HAUS1: variants seen among roughly 807,000 people sequenced by gnomAD.
HAUS1 encodes the protein HAUS augmin like complex subunit 1.
HAUS1 carries 25 observed loss-of-function variants against 38.6 expected under a neutral mutation model. That is an observed-to-expected ratio of 0.65 (90% CI 0.47 to 0.91). The LOEUF (loss-of-function observed/expected upper bound fraction) is 0.91. HAUS1 is among the 40% of genes least tolerant of loss of function. The probability of loss-of-function intolerance (pLI) is 0.00; values close to 1 mark genes in which losing one functional copy is unlikely to be tolerated. For synonymous variants in HAUS1, 109 were observed against 112.9 expected (o/e 0.97, Z 0.22); for missense variants, 325 against 328.4 (o/e 0.99, Z 0.08).
rs552433834 is a variant in HAUS1, at chr18:46,108,846, C to T, written c.205+3478C>T. On this transcript the variant is annotated intron_variant, in intron 2 of 8. Coordinates refer to ENST00000282058, the MANE Select transcript of HAUS1 (RefSeq NM_138443.4). ...CAGCACTTTGGGAGGCCGAGGCGGGCGGATCACAAGGTCAGGCGATCAAGA... is the reference window on the plus strand; with the variant it reads ...CAGCACTTTGGGAGGCCGAGGCGGGTGGATCACAAGGTCAGGCGATCAAGA... 6.6e-5 allele frequency among the ~76,000 whole-genome samples: 10 copies of T among 152,004 alleles called. No individual in the cohort carries two copies. The South Asian group carries it at 8.3e-4, about 13-fold the overall frequency.
intron 2 of HAUS1, chr18:46,106,766 G>C (rs538459871): frequency 6.6e-6 from 1 of 152,282 alleles, no homozygotes; most frequent in Admixed American, 6.5e-5. Context: ...TGTAATCCCA[G>C]CACTTTGGGA....
rs752343053 is a variant in HAUS1 at position 46,118,267 on chromosome 18, T to C, written c.292T>C (p.Leu98=). 3 of 1,613,180 alleles carry C rather than the reference T, an allele frequency of 1.9e-6. No individual in the cohort carries two copies. The highest frequency in any genetic ancestry group is 2.5e-6 in the Non-Finnish European group (3 of 1,179,968). ...CACTGGTTCCAGGTATCTGAATGCT[T>C]TGGTTGACAGTGCGGTGGCCCTTGA... The part of the protein sequence containing the change: ...SSTGSRYLNA[L]VDSAVALETK... Residue 98 remains leucine, a synonymous_variant, in exon 3 of 9, where the codon TTG becomes CTG. Transcript: ENST00000282058.
intron 4 of HAUS1, among the ~76,000 whole-genome samples, chr18:46,120,642 A>G (rs1599815900): frequency 6.6e-6 from 1 of 150,922 alleles, no homozygotes. Flanking sequence ...CTGGAGTGCA[A>G]TGGTGCAGTC....
intron 6 of HAUS1, among the ~76,000 whole-genome samples, chr18:46,124,416 C>CAAAAA (rs34364685): frequency 6.8e-5 from 6 of 87,618 alleles, no homozygotes; most frequent in Middle Eastern, 0.018. Context: ...GACTCTATCT[C>CAAAAA]AAAAAAAAAA....
At chr18:46,106,423 C>T (rs957126813) in intron 2 of HAUS1, among the ~76,000 whole-genome samples, 19 of 150,598 alleles carry the variant, frequency 1.3e-4, no homozygotes, top group Non-Finnish European at 2.4e-4. Flanking sequence ...GAGCCGAGAT[C>T]GCACCACTGC....
At chr18:46,111,646 T>G (rs904329084) in intron 2 of HAUS1, among the ~76,000 whole-genome samples, 3 of 151,912 alleles carry the variant, frequency 2.0e-5, no homozygotes, top group African/African-American at 7.3e-5. Context: ...TTAATAGAGA[T>G]AGGGTTTCAC....
intron 2 of HAUS1, among the ~76,000 whole-genome samples, chr18:46,108,762 G>A (rs1299826113): frequency 6.6e-6 from 1 of 152,068 alleles, no homozygotes; most frequent in African/African-American, 2.4e-5. Flanking sequence ...CGAACTACCT[G>A]AGACTGGGTA....
chr18:46,117,061 A>G (rs1911814978), intron 2 of HAUS1, among the ~76,000 whole-genome samples: 1 of 152,208 alleles, frequency 6.6e-6, no homozygotes, highest in Admixed American at 6.5e-5. Flanking sequence ...AGATGTGGAA[A>G]ATTGGAGCCT....
In HAUS1 at chr18:46,105,546, ATGTATGTGTGTG is replaced by A. The variant is rs1373983651; in HGVS notation, c.205+182_205+193del. On this transcript the variant is annotated intron_variant, in intron 2 of 8. Coordinates refer to ENST00000282058, the MANE Select transcript of HAUS1 (RefSeq NM_138443.4). Reference sequence around the variant, plus strand: ...TTGTTTTATGTTTATATATATGTATATGTATGTGTGTGTGTGTGTGTGTGTGTGTGTGTGTGT... The same window carrying A: ...TTGTTTTATGTTTATATATATGTATATGTGTGTGTGTGTGTGTGTGTGTGT... The A allele has an allele frequency of 3.4e-3, 1,628 of 479,318 alleles. 28 individuals are homozygous for A. The highest frequency in any genetic ancestry group is 0.029 in the African/African-American group (1,299 of 45,482). The allele number at this position is 479,318 out of a possible 1,614,324, so 29.7% of individuals were successfully genotyped here.
chr18:46,122,642 C>T (rs771705956), intron 5 of HAUS1, 52 bp downstream of exon 5: 7 of 1,597,450 alleles, frequency 4.4e-6, no homozygotes, highest in East Asian at 2.2e-5. Context: ...GATTTTTTAC[C>T]ATCATCCTCA....
chr18:46,119,877 A>G, intron 3 of HAUS1, 49 bp from the exon 4 acceptor site: 1 of 1,464,308 alleles, frequency 6.8e-7, no homozygotes, highest in African/African-American at 1.4e-5. Context: ...AGGAGTAATT[A>G]TAATTATTGC....
At chr18:46,124,690 G>C in intron 6 of HAUS1, 132 bp from the exon 7 acceptor site, 1 of 520,256 alleles carries the variant, frequency 1.9e-6, no homozygotes. Flanking sequence ...TATCTTTGAA[G>C]CTTTTTATTC....
At chr18:46,104,523 C>A in intron 1 of HAUS1, 82 bp downstream of exon 1, 4 of 1,186,506 alleles carry the variant, frequency 3.4e-6, no homozygotes, top group Non-Finnish European at 4.5e-6. Flanking sequence ...GTCTCCTGTG[C>A]GCGCCACGTC....
At chr18:46,122,368 C>T in intron 4 of HAUS1, 99 bp from the exon 5 acceptor site, 2 of 1,277,368 alleles carry the variant, frequency 1.6e-6, no homozygotes, top group Non-Finnish European at 1.1e-6. Flanking sequence ...CAACTCTTGG[C>T]CAAGCCAGCA....
chr18:46,118,861 A>C (rs1911861750), intron 3 of HAUS1, among the ~76,000 whole-genome samples: 1 of 151,884 alleles, frequency 6.6e-6, no homozygotes, highest in African/African-American at 2.4e-5. Context: ...AGGACTACTA[A>C]TATTTTGTTT....
intron 2 of HAUS1, chr18:46,109,622 CTT>C (rs754455444): frequency 1.4e-5 from 2 of 146,110 alleles, no homozygotes. Context: ...TTTTTCTTTT[CTT>C]TTTTTTTTTC....
chr18:46,112,543 T>C (rs1439234196), intron 2 of HAUS1, among the ~76,000 whole-genome samples: 4 of 20,408 alleles, frequency 2.0e-4, no homozygotes, highest in Non-Finnish European at 3.2e-4. Flanking sequence ...CCATATTATA[T>C]ATATAATATA....
At chr18:46,125,409 C>T (rs1455513719) in intron 7 of HAUS1, among the ~76,000 whole-genome samples, 2 of 151,836 alleles carry the variant, frequency 1.3e-5, no homozygotes, top group Admixed American at 6.6e-5. Flanking sequence ...ATTAGCAGGG[C>T]GTGGTGGTGG....
At chr18:46,109,667 G>C (rs930458691) in intron 2 of HAUS1, 2 of 151,740 alleles carry the variant, frequency 1.3e-5, no homozygotes, top group African/African-American at 4.8e-5. Context: ...TGTCGCCCAG[G>C]CTGGAGTGCT....
Sources: allele counts gnomAD v4.1 joint callset (sites outside exome capture counted in the v4.1 genomes callset), GRCh38; gene constraint gnomAD v4.1.1; transcripts MANE v1.5; gene names NCBI Gene and HGNC (gene_info 2026-07-23, HGNC 2026-07-21).